The following DTNA variants were observed in gnomAD, a reference collection of about 807,000 sequenced individuals.
The protein encoded by DTNA is dystrophin-related protein 3.
DTNA carries 43 observed loss-of-function variants against 100.7 expected under a neutral mutation model. The ratio of observed to expected loss-of-function variants is 0.43; its 90% CI spans 0.33 to 0.55. The LOEUF (loss-of-function observed/expected upper bound fraction) is 0.55, where lower values mean the gene tolerates loss of function less well. DTNA is among the 20% of genes least tolerant of loss of function. The pLI, the probability that DTNA is intolerant of heterozygous loss-of-function variation, is 0.04. For synonymous variants in DTNA, 349 were observed against 347.9 expected, an observed-to-expected ratio of 1.00 and a Z score of -0.04; for missense variants, 798 against 953.9, an observed-to-expected ratio of 0.84 and a Z score of 2.15.
At chr18:34,508,637 C>T (rs1198849508) in intron 1 of DTNA, among the ~76,000 whole-genome samples, 2 of 152,064 alleles carry the variant, frequency 1.3e-5, no homozygotes, top group African/African-American at 4.8e-5. Flanking sequence ...TGGCTTCCAG[C>T]CCTGAATATG....
chr18:34,709,658 C>T (rs1257131474), upstream of DTNA: 1 of 152,156 alleles, frequency 6.6e-6, no homozygotes, highest in Non-Finnish European at 1.5e-5. Flanking sequence ...TGATCGATTC[C>T]AGCAGGCTGT....
At chr18:34,734,100 T>C (rs1458812638) in intron 1 of DTNA, among the ~76,000 whole-genome samples, 1 of 152,092 alleles carries the variant, frequency 6.6e-6, no homozygotes, top group Non-Finnish European at 1.5e-5. Context: ...GGTCACACTC[T>C]CAACCTCACC....
intron 1 of DTNA, among the ~76,000 whole-genome samples, chr18:34,590,124 A>G (rs933526194): frequency 6.6e-6 from 1 of 152,162 alleles, no homozygotes; most frequent in African/African-American, 2.4e-5. Flanking sequence ...CCCATAAAAG[A>G]GATTGCTGGG....
At chr18:34,877,409 C>T (rs963292224) in intron 18 of DTNA, among the ~76,000 whole-genome samples, 1 of 152,162 alleles carries the variant, frequency 6.6e-6, no homozygotes, top group African/African-American at 2.4e-5. Flanking sequence ...GGAACCATCC[C>T]AGTTTTGCCA....
intron 1 of DTNA, among the ~76,000 whole-genome samples, chr18:34,633,886 T>C (rs373504980): frequency 7.9e-5 from 12 of 152,324 alleles, no homozygotes; most frequent in African/African-American, 2.4e-4. Context: ...AAAATTGGTT[T>C]CTGTGGGCTT....
At chr18:34,860,835 A>G (rs1027926117) in intron 16 of DTNA, among the ~76,000 whole-genome samples, 2 of 152,306 alleles carry the variant, frequency 1.3e-5, no homozygotes, top group East Asian at 3.9e-4. Flanking sequence ...TACTAACTCT[A>G]CATACACTGT....
At chr18:34,567,794 A>T (rs1023890464) in intron 1 of DTNA, among the ~76,000 whole-genome samples, 2 of 152,196 alleles carry the variant, frequency 1.3e-5, no homozygotes, top group South Asian at 2.1e-4. Context: ...CTACTCTTTT[A>T]TATTCACAAA....
chr18:34,553,860 GCT>G (rs1034965589), intron 1 of DTNA, among the ~76,000 whole-genome samples: 9 of 151,994 alleles, frequency 5.9e-5, no homozygotes, highest in Non-Finnish European at 1.3e-4. Context: ...GGTGATGCGG[GCT>G]CTTTTTTTGG....
chr18:34,551,817 T>C (rs2045453236), intron 1 of DTNA, among the ~76,000 whole-genome samples: 1 of 152,182 alleles, frequency 6.6e-6, no homozygotes, highest in Non-Finnish European at 1.5e-5. Flanking sequence ...TGACTTTCTC[T>C]TGCTCTTAAT....
At chr18:34,840,350 T>A (rs1000109264) in intron 13 of DTNA, among the ~76,000 whole-genome samples, 3 of 152,180 alleles carry the variant, frequency 2.0e-5, no homozygotes, top group Non-Finnish European at 4.4e-5. Flanking sequence ...CAGTGTTACA[T>A]GGTAGCTGAA....
intron 1 of DTNA, among the ~76,000 whole-genome samples, chr18:34,704,511 A>C (rs2146283247): frequency 6.6e-6 from 1 of 152,276 alleles, no homozygotes; most frequent in South Asian, 2.1e-4. Flanking sequence ...CCCCTCCTTA[A>C]CATTCTGCCT....
At position 34,670,695 on chromosome 18, in the gene DTNA, C is replaced by G. The variant is rs184835199; in HGVS notation, c.-1-85281C>G. ...AGTTTGCTGGAGGTCCACTCCAGACCCTTTTGGCCTGGGTATCAGCATTGG... is the reference window on the plus strand; with the variant it reads ...AGTTTGCTGGAGGTCCACTCCAGACGCTTTTGGCCTGGGTATCAGCATTGG... On this transcript the variant is annotated intron_variant, in intron 1 of 19. Transcript: ENST00000283365. 2.3e-3 allele frequency among the ~76,000 whole-genome samples: 350 copies of G among 152,254 alleles called. 2 individuals carry two copies. The highest frequency in any genetic ancestry group is 3.9e-3 in the South Asian group (19 of 4,814).
At chr18:34,769,791 G>C (rs570396336) in intron 3 of DTNA, among the ~76,000 whole-genome samples, 5 of 129,452 alleles carry the variant, frequency 3.9e-5, no homozygotes, top group African/African-American at 1.1e-4. Context: ...GTGCAATCTC[G>C]GCTCACTGCA....
chr18:34,820,023 C>G (rs573122746), intron 8 of DTNA, among the ~76,000 whole-genome samples: 50 of 149,088 alleles, frequency 3.4e-4, no homozygotes, highest in African/African-American at 1.2e-3. Context: ...TGCTTTTGCA[C>G]CAACCTAATG....
intron 11 of DTNA, among the ~76,000 whole-genome samples, chr18:34,829,707 A>T (rs552204699): frequency 1.3e-5 from 2 of 152,306 alleles, no homozygotes; most frequent in South Asian, 4.1e-4. Context: ...TCATAGCCTC[A>T]TACCGGTATA....
At chr18:34,720,734 C>T (rs1165847223) in intron 1 of DTNA, among the ~76,000 whole-genome samples, 1 of 152,186 alleles carries the variant, frequency 6.6e-6, no homozygotes, top group Non-Finnish European at 1.5e-5. Context: ...ATCAGCAGAA[C>T]TGTCACCACT....
rs76310296 is a variant in DTNA, at chr18:34,622,585, A to G, written c.-2+129071A>G. The stretch of plus-strand genomic sequence containing the variant: ...ACTGGGTGGGGAAGATCTGCCCTCA[A>G]TGCGGGCAGGTTCCGTGCAATCTGC... On this transcript the variant is annotated intron_variant, in intron 1 of 19. Coordinates refer to the DTNA transcript ENST00000283365. 2.1e-3 allele frequency among the ~76,000 whole-genome samples: 313 copies of G among 152,328 alleles called. 6 individuals are homozygous for G. The East Asian group carries it at 0.037, about 18-fold the overall frequency.
intron 3 of DTNA, among the ~76,000 whole-genome samples, chr18:34,770,697 T>C (rs1440715690): frequency 6.6e-6 from 1 of 152,072 alleles, no homozygotes; most frequent in Non-Finnish European, 1.5e-5. Context: ...ATTTTATAGA[T>C]GAATATTTGT....
chr18:34,875,530 T>A, intron 18 of DTNA, 132 bp downstream of exon 18: 1 of 1,352,980 alleles, frequency 7.4e-7, no homozygotes, highest in Non-Finnish European at 1.0e-6. Context: ...TGTCAGAGCC[T>A]GGCCTGCCAG....
Sources: gnomAD v4.1 joint callset for allele counts (sites outside exome capture counted in the v4.1 genomes callset) on GRCh38, gnomAD v4.1.1 for gene constraint, MANE v1.5 for transcripts, NCBI Gene and HGNC (gene_info 2026-07-23, HGNC 2026-07-21) for gene names.